Variants in DLG2 observed in about 807,000 individuals in gnomAD.
The protein encoded by DLG2 is discs large MAGUK scaffold protein 2, also known as disks large homolog 2.
Under a neutral mutation model 132.5 loss-of-function variants are expected in DLG2, and 45 were observed. That is an observed-to-expected ratio of 0.34 (90% CI 0.27 to 0.44). The LOEUF is 0.44. Ranked by LOEUF, DLG2 falls within the 20% of genes least tolerant of loss-of-function variation. DLG2 has a pLI of 1.00. For missense variants in DLG2, 1,045 were observed against 1,196.9 expected (o/e 0.87, Z 1.87); for synonymous variants, 424 against 419.6 (o/e 1.01, Z -0.13).
chr11:84,640,135 T>C, intron 6 of DLG2: 1 of 302,510 alleles, frequency 3.3e-6, no homozygotes, highest in South Asian at 3.5e-5. Context: ...CTCAGTCTCC[T>C]TGGAAAGAAA....
chr11:83,573,719 A>G (rs2096834018), intron 19 of DLG2, among the ~76,000 whole-genome samples: 1 of 152,160 alleles, frequency 6.6e-6, no homozygotes, highest in Non-Finnish European at 1.5e-5. Flanking sequence ...AATGTAGGAA[A>G]CTTTTATTTA....
intron 2 of DLG2, among the ~76,000 whole-genome samples, chr11:85,608,044 A>C (rs1281698894): frequency 6.6e-6 from 1 of 152,210 alleles, no homozygotes; most frequent in Non-Finnish European, 1.5e-5. Flanking sequence ...TGCATCAGTA[A>C]GGGCCACTAA....
intron 3 of DLG2, among the ~76,000 whole-genome samples, chr11:85,591,400 G>A (rs916907349): frequency 7.2e-5 from 11 of 152,050 alleles, no homozygotes; most frequent in African/African-American, 2.4e-4. Context: ...TCCTTTGAAC[G>A]TACATCAATG....
intron 5 of DLG2, among the ~76,000 whole-genome samples, chr11:85,122,954 T>TAC (rs2074537812): frequency 3.5e-5 from 1 of 28,272 alleles, no homozygotes; most frequent in African/African-American, 1.6e-4. Context: ...ATATATTATA[T>TAC]ATATATATAT....
intron 3 of DLG2, among the ~76,000 whole-genome samples, chr11:85,550,319 T>G (rs906279588): frequency 1.3e-5 from 2 of 152,234 alleles, no homozygotes; most frequent in African/African-American, 4.8e-5. Flanking sequence ...AAAAGAGCAC[T>G]GTATCACATC....
intron 6 of DLG2, among the ~76,000 whole-genome samples, chr11:84,705,611 C>T (rs2059702815): frequency 6.6e-6 from 1 of 151,728 alleles, no homozygotes; most frequent in African/African-American, 2.4e-5. Flanking sequence ...GACATTCATG[C>T]ATCCATTCAT....
At chr11:85,281,657 T>C (rs2078233531) in intron 4 of DLG2, among the ~76,000 whole-genome samples, 1 of 151,932 alleles carries the variant, frequency 6.6e-6, no homozygotes, top group Admixed American at 6.6e-5. Flanking sequence ...TGTCCTCCTC[T>C]TTGAGCTCAC....
chr11:84,504,850 G>C (rs1366622774), intron 7 of DLG2, among the ~76,000 whole-genome samples: 2 of 152,014 alleles, frequency 1.3e-5, no homozygotes. Context: ...AAAACTTGAT[G>C]GCTCTTTGAC....
At chr11:84,824,726 T>C (rs1410766789) in intron 6 of DLG2, among the ~76,000 whole-genome samples, 1 of 151,896 alleles carries the variant, frequency 6.6e-6, no homozygotes, top group Non-Finnish European at 1.5e-5. Context: ...ACTGGCCATG[T>C]TGTGAAGACC....
At chr11:83,707,067 ATAC>A (rs2153655320) in intron 18 of DLG2, among the ~76,000 whole-genome samples, 1 of 152,322 alleles carries the variant, frequency 6.6e-6, no homozygotes, top group South Asian at 2.1e-4. Flanking sequence ...CTATTTATAT[ATAC>A]TTTTATCTCT....
chr11:83,648,260 G>T (rs1166745612), intron 18 of DLG2, among the ~76,000 whole-genome samples: 3 of 152,150 alleles, frequency 2.0e-5, no homozygotes, highest in African/African-American at 4.8e-5. Flanking sequence ...AGAGGATGGT[G>T]CTTAAGAAGA....
intron 4 of DLG2, among the ~76,000 whole-genome samples, chr11:85,218,907 C>T (rs952108861): frequency 6.6e-6 from 1 of 152,134 alleles, no homozygotes; most frequent in Admixed American, 6.6e-5. Flanking sequence ...AAATCATGTC[C>T]TTTGCAGCAA....
At chr11:83,804,619 T>TACAGACACAC (rs2045449548) in intron 17 of DLG2, among the ~76,000 whole-genome samples, 5 of 49,768 alleles carry the variant, frequency 1.0e-4, no homozygotes, top group Admixed American at 3.3e-4. Context: ...GACACACACT[T>TACAGACACAC]TTTCTGAACC....
chr11:83,995,830 G>T (rs1010057248), intron 11 of DLG2, among the ~76,000 whole-genome samples: 1 of 151,964 alleles, frequency 6.6e-6, no homozygotes, highest in Non-Finnish European at 1.5e-5. Context: ...AAATCAAAAG[G>T]CATTAAAGAC....
At chr11:84,134,433 T>C (rs1255057733) in intron 9 of DLG2, among the ~76,000 whole-genome samples, 1 of 152,096 alleles carries the variant, frequency 6.6e-6, no homozygotes, top group African/African-American at 2.4e-5. Context: ...TGGAACTCAG[T>C]GGATGGGTAT....
chr11:83,967,023 C>G (rs577857881), intron 12 of DLG2, among the ~76,000 whole-genome samples: 1 of 152,140 alleles, frequency 6.6e-6, no homozygotes, highest in East Asian at 1.9e-4. Flanking sequence ...CTTCATTTAG[C>G]ATAATGCCCT....
chr11:84,803,657 A>T (rs1342882316), intron 6 of DLG2, among the ~76,000 whole-genome samples: 2 of 152,224 alleles, frequency 1.3e-5, no homozygotes, highest in African/African-American at 4.8e-5. Flanking sequence ...TGAGGATATA[A>T]ATGTGCCTTT....
At chr11:84,201,465 T>C (rs1401967337) in intron 8 of DLG2, among the ~76,000 whole-genome samples, 1 of 152,162 alleles carries the variant, frequency 6.6e-6, no homozygotes, top group African/African-American at 2.4e-5. Context: ...CCTCATAGAA[T>C]GAGTTAGGGA....
At chr11:84,831,220 T>C (rs1429439912) in intron 6 of DLG2, among the ~76,000 whole-genome samples, 1 of 151,462 alleles carries the variant, frequency 6.6e-6, no homozygotes, top group African/African-American at 2.4e-5. Context: ...AAAGACAGTT[T>C]AGGTCATTTA....
Sources: gnomAD v4.1 joint callset for allele counts (sites outside exome capture counted in the v4.1 genomes callset) on GRCh38, gnomAD v4.1.1 for gene constraint, MANE v1.5 for transcripts, NCBI Gene and HGNC (gene_info 2026-07-23, HGNC 2026-07-21) for gene names.